The following NPFFR2 variants were observed in gnomAD, a reference collection of about 807,000 sequenced individuals.
NPFFR2 encodes the protein neuropeptide FF receptor 2.
NPFFR2 carries 15 observed loss-of-function variants against 13.1 expected under a neutral mutation model. The ratio of observed to expected loss-of-function variants is 1.15; its 90% CI spans 0.77 to 1.76. The LOEUF is 1.76. Ranked by LOEUF, NPFFR2 falls within the 40% of genes most tolerant of loss-of-function variation. The probability of loss-of-function intolerance (pLI) is 0.00; values close to 1 mark genes in which losing one functional copy is unlikely to be tolerated. For missense variants in NPFFR2, 572 were observed against 503.5 expected, an observed-to-expected ratio of 1.14 and a Z score of -1.30; for synonymous variants, 190 against 175.7, an observed-to-expected ratio of 1.08 and a Z score of -0.65.
chr4:72,070,542 C>T (rs913413079), intron 1 of NPFFR2, among the ~76,000 whole-genome samples: 35 of 12,836 alleles, frequency 2.7e-3, no homozygotes, highest in African/African-American at 4.4e-3. Context: ...ATGGAAGTAT[C>T]GTGTGTGTGT....
intron 1 of NPFFR2, among the ~76,000 whole-genome samples, chr4:72,101,293 A>T (rs1282492203): frequency 6.6e-6 from 1 of 151,942 alleles, no homozygotes; most frequent in African/African-American, 2.4e-5. Flanking sequence ...CCAATCTAAG[A>T]ATCCCAAGAA....
Position 72,045,174 on chromosome 4 carries a change from T to G in NPFFR2, c.-8+12974T>G, listed in dbSNP as rs544386511. 3.3e-4 allele frequency among the ~76,000 whole-genome samples: 50 copies of G among 152,274 alleles called. 1 individual carries two copies. In the South Asian group the frequency reaches 6.2e-3, roughly 19 times the overall value. ...TTTCCTCAATGTATGTTCTAGTCCC[T>G]TTGTCAAAAATCAGTTCACTATAAG... On this transcript the variant is annotated intron_variant, in intron 1 of 3. Coordinates refer to ENST00000308744, the MANE Select transcript of NPFFR2 (RefSeq NM_004885.3).
intron 3 of NPFFR2, among the ~76,000 whole-genome samples, chr4:72,144,732 C>T (rs77671828): frequency 0.012 from 1,824 of 152,124 alleles, 17 homozygotes; most frequent in Non-Finnish European, 0.019. Context: ...TTTCATGCTC[C>T]CCAAATCAGT....
intron 1 of NPFFR2, among the ~76,000 whole-genome samples, chr4:72,033,462 T>C (rs1171388578): frequency 6.6e-6 from 1 of 152,122 alleles, no homozygotes; most frequent in African/African-American, 2.4e-5. Context: ...AAATGTGCTT[T>C]CTTTATTGCT....
intron 1 of NPFFR2, among the ~76,000 whole-genome samples, chr4:72,076,433 C>G (rs1720440080): frequency 6.6e-6 from 1 of 151,918 alleles, no homozygotes; most frequent in South Asian, 2.1e-4. Flanking sequence ...ATATTGAGTA[C>G]AAACCATTTC....
intron 2 of NPFFR2, among the ~76,000 whole-genome samples, chr4:72,137,308 T>A (rs1302791794): frequency 6.6e-6 from 1 of 152,206 alleles, no homozygotes; most frequent in South Asian, 2.1e-4. Flanking sequence ...AATGAGAATA[T>A]TTGCTAGGAG....
intron 1 of NPFFR2, among the ~76,000 whole-genome samples, chr4:72,119,310 C>T (rs1721801103): frequency 6.6e-6 from 1 of 152,074 alleles, no homozygotes; most frequent in African/African-American, 2.4e-5. Flanking sequence ...GAGTTGGTCT[C>T]ATATATGTAC....
intron 1 of NPFFR2, among the ~76,000 whole-genome samples, chr4:72,100,797 G>A (rs1218453695): frequency 6.6e-6 from 1 of 151,938 alleles, no homozygotes; most frequent in Non-Finnish European, 1.5e-5. Context: ...ACACATCACA[G>A]AGCAGAGAAT....
chr4:72,053,025 T>C (rs4235099), intron 1 of NPFFR2, among the ~76,000 whole-genome samples: 135,156 of 151,588 alleles, frequency 0.89, 61,350 homozygotes, highest in Non-Finnish European at 0.98. Context: ...CATGTATTGA[T>C]TGATATCGTG....
intron 1 of NPFFR2, among the ~76,000 whole-genome samples, chr4:72,034,980 G>A (rs1719008437): frequency 6.6e-6 from 1 of 152,208 alleles, no homozygotes; most frequent in Admixed American, 6.5e-5. Context: ...CTGGCTCTGT[G>A]CCTCAGGCAA....
intron 2 of NPFFR2, among the ~76,000 whole-genome samples, chr4:72,136,876 A>G (rs990272271): frequency 7.9e-5 from 12 of 152,126 alleles, no homozygotes; most frequent in African/African-American, 2.4e-4. Flanking sequence ...TGTTTTCTCA[A>G]TCTCACATTT....
At chr4:72,086,245 C>A (rs771246959) in intron 1 of NPFFR2, among the ~76,000 whole-genome samples, 4 of 151,920 alleles carry the variant, frequency 2.6e-5, no homozygotes, top group African/African-American at 9.7e-5. Flanking sequence ...CTAGCGAAGT[C>A]CATAAAAAAA....
intron 1 of NPFFR2, among the ~76,000 whole-genome samples, chr4:72,124,990 A>G (rs543966616): frequency 6.6e-6 from 1 of 152,320 alleles, no homozygotes; most frequent in Admixed American, 6.5e-5. Flanking sequence ...CAGGCAACCT[A>G]CAAAATGGGA....
chr4:72,058,786 C>T (rs72854754), intron 1 of NPFFR2, among the ~76,000 whole-genome samples: 5,729 of 152,028 alleles, frequency 0.038, 350 homozygotes, highest in African/African-American at 0.13. Context: ...TGTCACAAAC[C>T]TTTCAAGTAC....
At chr4:72,133,976 C>A (rs1297628947) in intron 2 of NPFFR2, among the ~76,000 whole-genome samples, 3 of 152,072 alleles carry the variant, frequency 2.0e-5, no homozygotes, top group African/African-American at 7.2e-5. Flanking sequence ...ACAAATTACC[C>A]ATCCTTGGCC....
At chr4:72,065,612 A>C (rs1434862820) in intron 1 of NPFFR2, among the ~76,000 whole-genome samples, 2 of 152,126 alleles carry the variant, frequency 1.3e-5, no homozygotes. Context: ...CTTCTAAGAC[A>C]CTCTCTTTCA....
At chr4:72,076,006 CAGAGAGAGAGAGAG>C (rs150273168) in intron 1 of NPFFR2, among the ~76,000 whole-genome samples, 68,397 of 122,466 alleles carry the variant, frequency 0.56, 18,934 homozygotes, top group Non-Finnish European at 0.66. Flanking sequence ...CACACACACA[CAGAGAGAGAGAGAG>C]GGCAGACAGC....
At position 72,092,453 on chromosome 4, in the gene NPFFR2, T is replaced by C. The variant is rs185181653; in HGVS notation, c.-7-36132T>C. Among the ~76,000 whole-genome samples, 9 of 152,280 alleles carry C rather than the reference T, an allele frequency of 5.9e-5. No individual in the cohort carries two copies. The East Asian group carries it at 1.7e-3, about 29-fold the overall frequency. ...AGTGGCATATTGAAGTCTCCCACTA[T>C]TACTGTGTTGCTGTCTATCTCATTT... is the stretch of plus-strand genomic sequence containing the variant. On this transcript the variant is annotated intron_variant, in intron 1 of 3. Coordinates refer to ENST00000308744, the MANE Select transcript of NPFFR2 (RefSeq NM_004885.3).
chr4:72,084,876 A>G (rs1039320709), intron 1 of NPFFR2, among the ~76,000 whole-genome samples: 3 of 152,034 alleles, frequency 2.0e-5, no homozygotes, highest in Non-Finnish European at 4.4e-5. Flanking sequence ...ACTGGACTTT[A>G]TTGAGTTTTC....
Sources: gnomAD v4.1 joint callset for allele counts (sites outside exome capture counted in the v4.1 genomes callset) on GRCh38, gnomAD v4.1.1 for gene constraint, MANE v1.5 for transcripts, NCBI Gene and HGNC (gene_info 2026-07-23, HGNC 2026-07-21) for gene names.